RORA: variants seen among roughly 807,000 people sequenced by gnomAD.
RORA encodes nuclear receptor ROR-alpha.
Under a neutral mutation model 69.5 loss-of-function variants are expected in RORA, and 7 were observed. The observed-to-expected ratio is 0.10, with a 90% CI of 0.06 to 0.19. The LOEUF (loss-of-function observed/expected upper bound fraction) is 0.19, where lower values mean the gene tolerates loss of function less well. Ranked by LOEUF, RORA falls within the 10% of genes least tolerant of loss-of-function variation. The probability of loss-of-function intolerance (pLI) is 1.00; values close to 1 mark genes in which losing one functional copy is unlikely to be tolerated. For synonymous variants in RORA, 261 were observed against 240.8 expected, an observed-to-expected ratio of 1.08 and a Z score of -0.78; for missense variants, 457 against 663.0, an observed-to-expected ratio of 0.69 and a Z score of 3.41.
At chr15:61,008,657 A>G (rs540860251) in intron 1 of RORA, among the ~76,000 whole-genome samples, 1 of 152,296 alleles carries the variant, frequency 6.6e-6, no homozygotes, top group East Asian at 1.9e-4. Context: ...ATGCGCATGT[A>G]GATGGAATTC....
At chr15:60,801,690 G>A (rs760731138) in intron 1 of RORA, among the ~76,000 whole-genome samples, 9 of 152,318 alleles carry the variant, frequency 5.9e-5, no homozygotes, top group Non-Finnish European at 1.2e-4. Flanking sequence ...GGCACGCCAC[G>A]GTGTGGAATC....
intron 1 of RORA, among the ~76,000 whole-genome samples, chr15:61,121,004 C>T (rs548640893): frequency 6.6e-6 from 1 of 151,870 alleles, no homozygotes; most frequent in South Asian, 2.1e-4. Flanking sequence ...CCTGCCACCA[C>T]ACCCGGCTAA....
chr15:60,632,473 G>A (rs558474882), intron 2 of RORA, among the ~76,000 whole-genome samples: 1 of 152,034 alleles, frequency 6.6e-6, no homozygotes, highest in South Asian at 2.1e-4. Flanking sequence ...GAAAATGCAG[G>A]GTTCCCAGTT....
Position 60,710,450 on chromosome 15 carries a change from T to C in RORA, c.167-31764A>G, listed in dbSNP as rs535891656. 2.0e-5 allele frequency among the ~76,000 whole-genome samples: 3 copies of C among 152,200 alleles called. No homozygotes were observed. In the South Asian group the frequency reaches 6.2e-4, roughly 32 times the overall value. ...TTGCAGTGAGCCGAGATGGCGCCAT[T>C]GCACTCCAGCCTGGGCAACAAGAGC... On this transcript the variant is annotated intron_variant, in intron 1 of 10. Coordinates refer to ENST00000335670, the MANE Select transcript of RORA (RefSeq NM_134261.3).
intron 2 of RORA, chr15:60,592,996 A>G (rs1051475253): frequency 6.6e-6 from 3 of 452,508 alleles, no homozygotes; most frequent in Non-Finnish European, 1.3e-5. Flanking sequence ...CTGGGGAGCT[A>G]CGGTCACCCG....
chr15:60,535,510 A>G (rs1428467104), intron 2 of RORA, among the ~76,000 whole-genome samples: 1 of 152,220 alleles, frequency 6.6e-6, no homozygotes, highest in Non-Finnish European at 1.5e-5. Flanking sequence ...GTGCTAATTA[A>G]CCAAGTGGTC....
At chr15:60,627,460 A>G in intron 2 of RORA, 1 of 1,580,028 alleles carries the variant, frequency 6.3e-7, no homozygotes, top group Non-Finnish European at 8.6e-7. Flanking sequence ...GATCAGACAG[A>G]TGGCTCCAAC....
chr15:60,852,971 C>T (rs2073341574), intron 1 of RORA, among the ~76,000 whole-genome samples: 1 of 152,248 alleles, frequency 6.6e-6, no homozygotes, highest in Non-Finnish European at 1.5e-5. Context: ...ACAGCATCTC[C>T]CCCTGAAAGA....
intron 1 of RORA, among the ~76,000 whole-genome samples, chr15:60,859,118 T>G (rs2073410824): frequency 6.6e-6 from 1 of 152,178 alleles, no homozygotes; most frequent in African/African-American, 2.4e-5. Context: ...ACTCTTGGTC[T>G]GGCTTCCTTA....
chr15:60,734,813 C>T (rs528056485), intron 1 of RORA, among the ~76,000 whole-genome samples: 64 of 152,310 alleles, frequency 4.2e-4, no homozygotes, highest in African/African-American at 1.4e-3. Flanking sequence ...ACAGATGGGG[C>T]TAGAAATCTC....
Position 61,155,622 on chromosome 15 carries a change from C to A in RORA, c.166+73431G>T, listed in dbSNP as rs142535390. Among the ~76,000 whole-genome samples, 197 of 152,212 alleles carry A rather than the reference C, an allele frequency of 1.3e-3. 2 individuals carry two copies. The East Asian group carries it at 0.015, about 11-fold the overall frequency. On this transcript the variant is annotated intron_variant, in intron 1 of 10. Transcript: ENST00000335670. Reference sequence around the variant, plus strand: ...CCTTGGGCTATCAGGCAACAGAGACCGATCAATGGGAAAGATTAAGCAAAA... The same window carrying A: ...CCTTGGGCTATCAGGCAACAGAGACAGATCAATGGGAAAGATTAAGCAAAA...
chr15:60,571,047 C>A (rs901559839), intron 2 of RORA, among the ~76,000 whole-genome samples: 1 of 152,122 alleles, frequency 6.6e-6, no homozygotes, highest in East Asian at 1.9e-4. Context: ...TTTCTCTCCT[C>A]ATTTTGCCTG....
intron 1 of RORA, among the ~76,000 whole-genome samples, chr15:61,057,311 A>C (rs2078109922): frequency 6.6e-6 from 1 of 152,262 alleles, no homozygotes. Context: ...TACAGGAAAG[A>C]GTCAGAATAT....
intron 1 of RORA, among the ~76,000 whole-genome samples, chr15:60,805,890 T>C (rs2072653537): frequency 6.6e-6 from 1 of 152,218 alleles, no homozygotes; most frequent in Non-Finnish European, 1.5e-5. Flanking sequence ...CTTTACACAA[T>C]GTTCAATACC....
At chr15:60,647,696 G>C (rs534101509) in intron 2 of RORA, among the ~76,000 whole-genome samples, 1 of 152,310 alleles carries the variant, frequency 6.6e-6, no homozygotes, top group South Asian at 2.1e-4. Context: ...CAGAAAGAGA[G>C]AAGAGCCCAG....
chr15:60,540,080 G>C (rs2066812574), intron 2 of RORA, among the ~76,000 whole-genome samples: 1 of 152,088 alleles, frequency 6.6e-6, no homozygotes, highest in Non-Finnish European at 1.5e-5. Flanking sequence ...TAATAACGTT[G>C]TTTCCAACAA....
intron 1 of RORA, among the ~76,000 whole-genome samples, chr15:60,745,879 G>A (rs751309629): frequency 1.3e-5 from 2 of 152,070 alleles, no homozygotes; most frequent in African/African-American, 2.4e-5. Context: ...ACTGGATGCC[G>A]CTGGGTCTTT....
intron 1 of RORA, among the ~76,000 whole-genome samples, chr15:60,816,640 T>C (rs75620089): frequency 0.066 from 9,720 of 146,874 alleles, 576 homozygotes; most frequent in Admixed American, 0.11. Flanking sequence ...TGTTAAATGA[T>C]GAGTTAAAGG....
At chr15:60,799,367 A>G (rs2072545924) in intron 1 of RORA, among the ~76,000 whole-genome samples, 1 of 152,074 alleles carries the variant, frequency 6.6e-6, no homozygotes, top group African/African-American at 2.4e-5. Context: ...CGTCCTCTCA[A>G]TTAGACTTTG....
Sources: gnomAD v4.1 joint callset for allele counts (sites outside exome capture counted in the v4.1 genomes callset) on GRCh38, gnomAD v4.1.1 for gene constraint, MANE v1.5 for transcripts, NCBI Gene and HGNC (gene_info 2026-07-23, HGNC 2026-07-21) for gene names.